NMNAT2: variants seen among roughly 807,000 people sequenced by gnomAD.
NMNAT2 encodes the protein nicotinamide/nicotinic acid mononucleotide adenylyltransferase 2.
Under a neutral mutation model 41.6 loss-of-function variants are expected in NMNAT2, and 11 were observed. The observed-to-expected ratio is 0.26, with a 90% confidence interval of 0.17 to 0.44. The LOEUF is 0.44. Among genes scored for constraint, NMNAT2 ranks in the 20% least tolerant of loss-of-function variants. NMNAT2 has a pLI of 1.00. For synonymous variants in NMNAT2, 148 were observed against 151.2 expected (o/e 0.98, Z 0.16); for missense variants, 288 against 407.7 (o/e 0.71, Z 2.53).
At chr1:183,348,970 A>G (rs1054065421) in intron 1 of NMNAT2, among the ~76,000 whole-genome samples, 1 of 152,222 alleles carries the variant, frequency 6.6e-6, no homozygotes, top group Non-Finnish European at 1.5e-5. Context: ...AAAGGACACC[A>G]AAGTGAACAC....
At chr1:183,415,968 A>G (rs891378746) in intron 1 of NMNAT2, among the ~76,000 whole-genome samples, 1 of 152,170 alleles carries the variant, frequency 6.6e-6, no homozygotes, top group Admixed American at 6.5e-5. Flanking sequence ...ATGGACATGC[A>G]AAGGACTTTG....
chr1:183,341,724 C>CAAAAAAAAAAAAAAA (rs1557883660), intron 1 of NMNAT2, among the ~76,000 whole-genome samples: 1 of 15,818 alleles, frequency 6.3e-5, no homozygotes, highest in African/African-American at 2.0e-4. Flanking sequence ...CAAACAAACA[C>CAAAAAAAAAAAAAAA]CAAAAAAAAA....
chr1:183,372,010 G>A (rs1663555019), intron 1 of NMNAT2, among the ~76,000 whole-genome samples: 1 of 152,062 alleles, frequency 6.6e-6, no homozygotes, highest in Non-Finnish European at 1.5e-5. Context: ...GAACTCCTGG[G>A]GCTCAAGTGA....
At chr1:183,268,547 G>T (rs570470718) in intron 8 of NMNAT2, among the ~76,000 whole-genome samples, 2 of 152,252 alleles carry the variant, frequency 1.3e-5, no homozygotes, top group East Asian at 3.9e-4. Context: ...TATCCCATGG[G>T]GGAGGCAAAC....
In NMNAT2 at chr1:183,325,583, A is replaced by G. The variant is rs147138446; in HGVS notation, c.86-31790T>C. The stretch of plus-strand genomic sequence containing the variant: ...TGGCTCAGTAGACCCAACGTTTTAC[A>G]CCTGGGCTGGAGTGACTTTAAATAA... On this transcript the variant is annotated intron_variant, in intron 1 of 10. Coordinates refer to ENST00000287713, the MANE Select transcript of NMNAT2 (RefSeq NM_015039.4). Among the ~76,000 whole-genome samples the G allele has an allele frequency of 2.0e-3, 302 of 152,322 alleles. 1 individual carries two copies. Among genetic ancestry groups the G allele is most frequent in the African/African-American group, 6.4e-3 (264 of 41,572 alleles).
At chr1:183,372,484 T>A (rs1279785530) in intron 1 of NMNAT2, among the ~76,000 whole-genome samples, 1 of 152,094 alleles carries the variant, frequency 6.6e-6, no homozygotes, top group Non-Finnish European at 1.5e-5. Flanking sequence ...AGCCTCAGCC[T>A]CCAAACACAG....
Position 183,389,836 on chromosome 1 carries a change from GAA to G in NMNAT2, c.85+28345_85+28346del, listed in dbSNP as rs1648411242. ...AGAAAGAAAGAAAGAAAGAAAGAAA[GAA>G]AGAAAGGAAAAAAGAGAAAGAAAGA... On this transcript the variant is annotated intron_variant, in intron 1 of 10. Transcript: ENST00000287713. Among the ~76,000 whole-genome samples, 9 of 53,732 alleles carry G rather than the reference GAA, an allele frequency of 1.7e-4. 2 individuals carry two copies. The highest frequency in any genetic ancestry group is 5.3e-4 in the Admixed American group (2 of 3,782). 35.3% of individuals were successfully genotyped at this position (53,732 alleles called of 152,430 possible).
intron 1 of NMNAT2, among the ~76,000 whole-genome samples, chr1:183,300,540 T>C (rs944846230): frequency 2.6e-5 from 4 of 152,200 alleles, no homozygotes; most frequent in Non-Finnish European, 5.9e-5. Context: ...AAATTTATGT[T>C]ATTTATAAAC....
chr1:183,292,031 C>G (rs1030455228), intron 3 of NMNAT2, among the ~76,000 whole-genome samples: 1 of 152,198 alleles, frequency 6.6e-6, no homozygotes, highest in Non-Finnish European at 1.5e-5. Context: ...GTCAGCATCC[C>G]GTCACTTCGC....
At chr1:183,314,784 C>T (rs892561157) in intron 1 of NMNAT2, among the ~76,000 whole-genome samples, 2 of 152,206 alleles carry the variant, frequency 1.3e-5, no homozygotes, top group African/African-American at 2.4e-5. Flanking sequence ...GAAGCTGAGG[C>T]AGGAGCCTTC....
Position 183,301,411 on chromosome 1 carries a change from T to C in NMNAT2, c.86-7618A>G, listed in dbSNP as rs564407629. ...TGCACATTAGTAGAAAGCCAGCCCA[T>C]TGGCAAAGCTGTAGCTATGGCCCTG... On this transcript the variant is annotated intron_variant, in intron 1 of 10. Transcript: ENST00000287713. Among the ~76,000 whole-genome samples the C allele has an allele frequency of 2.0e-5, 3 of 152,388 alleles. No individual in the cohort carries two copies. The East Asian group carries it at 5.8e-4, about 29-fold the overall frequency.
At chr1:183,327,469 G>A (rs141293267) in intron 1 of NMNAT2, among the ~76,000 whole-genome samples, 11 of 152,296 alleles carry the variant, frequency 7.2e-5, no homozygotes, top group African/African-American at 1.2e-4. Context: ...AATCCAGTAC[G>A]CCAAAAGGGC....
intron 1 of NMNAT2, among the ~76,000 whole-genome samples, chr1:183,384,335 G>T (rs1353377977): frequency 2.0e-5 from 3 of 152,148 alleles, no homozygotes; most frequent in Non-Finnish European, 4.4e-5. Flanking sequence ...GAGTAGCTGG[G>T]ATTACAGGCA....
At chr1:183,394,460 C>G (rs1648573877) in intron 1 of NMNAT2, among the ~76,000 whole-genome samples, 1 of 152,204 alleles carries the variant, frequency 6.6e-6, no homozygotes. Flanking sequence ...AAATTAATGA[C>G]TTCTTTTCCA....
Position 183,383,128 on chromosome 1 carries a change from G to A in NMNAT2, c.85+35055C>T, listed in dbSNP as rs7542740. Among the ~76,000 whole-genome samples the A allele has an allele frequency of 3.3e-3, 507 of 152,310 alleles. 5 individuals carry two copies. Among genetic ancestry groups the A allele is most frequent in the African/African-American group, 0.01 (427 of 41,566 alleles). ...TATGCACCTGTGGGCTTAACACCAC[G>A]TGGAGCTGCCAAGGCTTATGGCTTG... On this transcript the variant is annotated intron_variant, in intron 1 of 10. Transcript: ENST00000287713.
In NMNAT2 at chr1:183,252,520, GT is replaced by G. The variant is rs1408539617; in HGVS notation, c.*120del. 2.6e-6 allele frequency: 2 copies of G among 783,742 alleles called. No homozygotes were observed. The highest frequency in any genetic ancestry group is 4.6e-6 in the Non-Finnish European group (2 of 437,876). 48.5% of individuals were successfully genotyped at this position (783,742 alleles called of 1,614,324 possible). On this transcript the variant is annotated 3_prime_UTR_variant, in exon 11 of 11. Transcript: ENST00000287713. ...CTGCAGGTCCCCCACACTATGGGGG[GT>G]TAAGTCAGCAAGTAGGGAAAACAGT...
At chr1:183,312,591 G>A (rs1662149450) in intron 1 of NMNAT2, among the ~76,000 whole-genome samples, 1 of 151,396 alleles carries the variant, frequency 6.6e-6, no homozygotes, top group African/African-American at 2.4e-5. Context: ...AGACATATTG[G>A]TGACAGTTTG....
intron 1 of NMNAT2, among the ~76,000 whole-genome samples, chr1:183,310,997 G>A (rs994714319): frequency 5.9e-5 from 9 of 152,230 alleles, no homozygotes; most frequent in African/African-American, 1.2e-4. Context: ...CTACCCACGC[G>A]GTCGTAAGAG....
chr1:183,365,701 G>A (rs1333848467), intron 1 of NMNAT2, among the ~76,000 whole-genome samples: 1 of 152,050 alleles, frequency 6.6e-6, no homozygotes, highest in Non-Finnish European at 1.5e-5. Context: ...TCTTGCCACT[G>A]CACTACAGCC....
Sources: gnomAD v4.1 joint callset for allele counts (sites outside exome capture counted in the v4.1 genomes callset) on GRCh38, gnomAD v4.1.1 for gene constraint, MANE v1.5 for transcripts, NCBI Gene and HGNC (gene_info 2026-07-23, HGNC 2026-07-21) for gene names.